ZNF879: variants seen among roughly 807,000 people sequenced by gnomAD.
ZNF879 encodes the protein zinc finger protein 879.
ZNF879 carries 32 observed loss-of-function variants against 44.3 expected under a neutral mutation model. That is an observed-to-expected ratio of 0.72 (90% CI 0.54 to 0.97). The LOEUF is 0.97. ZNF879 is among the 50% of genes least tolerant of loss of function. The probability of loss-of-function intolerance (pLI) is 0.00; values close to 1 mark genes in which losing one functional copy is unlikely to be tolerated. For synonymous variants in ZNF879, 234 were observed against 233.2 expected (o/e 1.00, Z -0.03); for missense variants, 621 against 669.7 (o/e 0.93, Z 0.80).
intron 4 of ZNF879, 79 bp downstream of exon 4, chr5:179,028,206 T>A: frequency 1.6e-6 from 2 of 1,274,938 alleles, no homozygotes; most frequent in Non-Finnish European, 2.2e-6. Flanking sequence ...CGCTCAAGGG[T>A]CTCCTTGATG....
chr5:179,028,144 T>C lies in ZNF879; in HGVS notation c.256+17T>C, dbSNP rs1012787441. On this transcript the variant is annotated intron_variant, in intron 4 of 4. Transcript: ENST00000444149. ...CACATCTCGGTGAGTGACAGAGTAA[T>C]TGGGAGATGGGCATAACATTTTCCC... The C allele has an allele frequency of 1.9e-6, 3 of 1,549,758 alleles. No homozygotes were observed. Among genetic ancestry groups the C allele is most frequent in the East Asian group, 4.9e-5 (2 of 40,880 alleles).
intron 4 of ZNF879, among the ~76,000 whole-genome samples, chr5:179,030,857 CAAT>C (rs1309118695): frequency 2.6e-5 from 4 of 152,182 alleles, no homozygotes; most frequent in Admixed American, 6.5e-5. Context: ...AAATTACTCT[CAAT>C]AATGTTCTTT....
chr5:179,032,951 C>T lies in ZNF879; in HGVS notation c.1003C>T (p.His335Tyr), dbSNP rs1761473426. Residue 335 changes from histidine to tyrosine, a missense_variant, in exon 5 of 5, where the codon CAC becomes TAC. By Grantham distance (83) the His-to-Tyr change is moderately conservative. Transcript: ENST00000444149. ...TCAGTGCTCATCTCTCATTCAGCAC[C>T]ACAGAATTCATACTGGGGAGAAACC... ...FSQCSSLIQH[H>Y]RIHTGEKPYE... The T allele has an allele frequency of 1.3e-6, 2 of 1,559,936 alleles. No homozygotes were observed. The highest frequency in any genetic ancestry group is 1.2e-5 in the South Asian group (1 of 84,724).
Position 179,024,845 on chromosome 5 carries a change from G to A in ZNF879, c.-35-125G>A, listed in dbSNP as rs76747810. 5.5e-5 allele frequency: 39 copies of A among 714,170 alleles called. No individual in the cohort carries two copies. In the East Asian group the frequency reaches 6.0e-4, roughly 11 times the overall value. The allele number at this position is 714,170 out of a possible 1,614,324, so 44.2% of individuals were successfully genotyped here. On this transcript the variant is annotated intron_variant, in intron 1 of 4. Transcript: ENST00000444149. Reference sequence around the variant, plus strand: ...AGTGGCCGGACTTAGGGCCCCTCTGGCCTGGGCAGTTCCAGGCTCCTTCTC... The same window carrying A: ...AGTGGCCGGACTTAGGGCCCCTCTGACCTGGGCAGTTCCAGGCTCCTTCTC...
At chr5:179,026,651 T>TA (rs889096323) in intron 2 of ZNF879, among the ~76,000 whole-genome samples, 3 of 151,806 alleles carry the variant, frequency 2.0e-5, no homozygotes, top group Non-Finnish European at 2.9e-5. Context: ...CCCAATTAAT[T>TA]AAAAAAAAAT....
chr5:179,030,809 C>T (rs1761396672), intron 4 of ZNF879, among the ~76,000 whole-genome samples: 1 of 152,300 alleles, frequency 6.6e-6, no homozygotes. Flanking sequence ...GATTCCATTT[C>T]TTGTACTGTA....
At position 179,032,160 on chromosome 5, in the gene ZNF879, A is replaced by G. The variant is rs941384281; in HGVS notation, c.257-45A>G. The G allele has an allele frequency of 7.3e-6, 10 of 1,373,202 alleles. No homozygotes were observed. In the Admixed American group the frequency reaches 9.1e-5, roughly 13 times the overall value. The allele number at this position is 1,373,202 out of a possible 1,614,324, so 85.1% of individuals were successfully genotyped here. On this transcript the variant is annotated intron_variant, in intron 4 of 4. Transcript: ENST00000444149. ...CTTGTGCGTTTTTATGTCACTTTTT[A>G]AAATTCTGAGTTCAAGAGAGACTTA...
intron 4 of ZNF879, among the ~76,000 whole-genome samples, chr5:179,031,726 A>C (rs560411665): frequency 2.0e-5 from 3 of 152,330 alleles, no homozygotes; most frequent in Admixed American, 1.3e-4. Context: ...CACAGTAGGC[A>C]CTCAGTAGGT....
chr5:179,026,056 G>T (rs1001669637), intron 2 of ZNF879, among the ~76,000 whole-genome samples: 1 of 146,364 alleles, frequency 6.8e-6, no homozygotes, highest in Non-Finnish European at 1.5e-5. Flanking sequence ...TTGCACTCCA[G>T]CCTGGTGACA....
Position 179,032,914 on chromosome 5 carries a change from G to C in ZNF879, c.966G>C (p.Gly322=), listed in dbSNP as rs1195102619. 2.5e-6 allele frequency: 4 copies of C among 1,569,742 alleles called. No individual in the cohort carries two copies. Among genetic ancestry groups the C allele is most frequent in the Non-Finnish European group, 3.5e-6 (4 of 1,157,452 alleles). ...AGCCCTATAAGTGTAATGAATGTGG[G>C]AGGGCCTTCAGTCAGTGCTCATCTC... The part of the protein sequence containing the change: ...GEKPYKCNEC[G]RAFSQCSSLI... Residue 322 remains glycine, a synonymous_variant, in exon 5 of 5, where the codon GGG becomes GGC. Coordinates refer to ENST00000444149, the MANE Select transcript of ZNF879 (RefSeq NM_001136116.3).
At chr5:179,025,314 G>A (rs1166872778) in intron 2 of ZNF879, among the ~76,000 whole-genome samples, 1 of 151,692 alleles carries the variant, frequency 6.6e-6, no homozygotes, top group African/African-American at 2.4e-5. Context: ...CAACCTCCCT[G>A]GTAGCTGGGA....
At chr5:179,028,445 C>T (rs1761330303) in intron 4 of ZNF879, among the ~76,000 whole-genome samples, 1 of 151,762 alleles carries the variant, frequency 6.6e-6, no homozygotes, top group Non-Finnish European at 1.5e-5. Flanking sequence ...AATTATTTTC[C>T]TTAGTGGCTT....
rs990844287 is a variant in ZNF879 at position 179,032,421 on chromosome 5, T to C, written c.473T>C (p.Val158Ala). Residue 158 changes from valine (V) to alanine (A), a missense_variant, in exon 5 of 5, where the codon GTT becomes GCT. By Grantham distance (64) the Val-to-Ala change is moderately conservative. Coordinates refer to ENST00000444149, the MANE Select transcript of ZNF879 (RefSeq NM_001136116.3). ...ATGAAGGAGAGGAGCTTTAAAGGTG[T>C]TGAATTTGGGAAAAATCTTGGTCTA... ...VYMKERSFKG[V>A]EFGKNLGLKS... The C allele has an allele frequency of 4.5e-6, 7 of 1,551,436 alleles. No individual in the cohort carries two copies. In the African/African-American group the frequency reaches 6.8e-5, roughly 15 times the overall value.
chr5:179,025,283 G>A (rs900869764), intron 2 of ZNF879, among the ~76,000 whole-genome samples: 35 of 151,480 alleles, frequency 2.3e-4, no homozygotes, highest in Non-Finnish European at 5.9e-5. Flanking sequence ...GCAGTGGCAC[G>A]GACATGGCTC....
intron 4 of ZNF879, 86 bp from the exon 5 acceptor site, chr5:179,032,119 A>G: frequency 2.0e-6 from 2 of 1,025,326 alleles, no homozygotes; most frequent in Non-Finnish European, 2.8e-6. Context: ...TCAAGGCTTT[A>G]TATTTTTTAA....
At chr5:179,024,722 A>G (rs1000716792) in intron 1 of ZNF879, 5 of 462,048 alleles carry the variant, frequency 1.1e-5, no homozygotes, top group African/African-American at 9.6e-5. Flanking sequence ...GGCACGGCAG[A>G]TGGTCTTCAT....
chr5:179,026,885 G>C (rs1161021481), intron 2 of ZNF879, among the ~76,000 whole-genome samples: 2 of 152,236 alleles, frequency 1.3e-5, no homozygotes, highest in Non-Finnish European at 2.9e-5. Context: ...AGGAGCTTCT[G>C]GGGTGGGGAG....
Position 179,034,262 on chromosome 5 carries a change from C to T in ZNF879, c.*622C>T, listed in dbSNP as rs1256311091. ...GCGTTTTCTTCCTGACTACTTGTTCCAAACTCTGAGTCAGATCTAAAGTCA... is the reference window on the plus strand; with the variant it reads ...GCGTTTTCTTCCTGACTACTTGTTCTAAACTCTGAGTCAGATCTAAAGTCA... On this transcript the variant is annotated 3_prime_UTR_variant, in exon 5 of 5. Transcript: ENST00000444149. 2 of 151,766 alleles carry T rather than the reference C, an allele frequency of 1.3e-5. No individual in the cohort carries two copies. Among genetic ancestry groups the T allele is most frequent in the African/African-American group, 4.9e-5 (2 of 41,026 alleles). 9.4% of individuals were successfully genotyped at this position (151,766 alleles called of 1,614,324 possible). A position where few individuals can be genotyped will look rare whatever the true frequency, so the allele number is the denominator to read the frequency against.
chr5:179,032,273 A>ATTG lies in ZNF879; in HGVS notation c.326_328dup (p.Ile109_Asp110insVal). The ATTG allele has an allele frequency of 6.5e-7, 1 of 1,540,132 alleles. No individual in the cohort carries two copies. Among genetic ancestry groups the ATTG allele is most frequent in the Non-Finnish European group, 8.7e-7 (1 of 1,144,322 alleles). ...TCAGGAAGTCATGAAAAAACTCATA[A>ATTG]TTGATGGCACATTTGACTTCAAGTT... On this transcript the variant is annotated inframe_insertion, in exon 5 of 5. Transcript: ENST00000444149.
Sources: gnomAD v4.1 joint callset for allele counts (sites outside exome capture counted in the v4.1 genomes callset) on GRCh38, gnomAD v4.1.1 for gene constraint, MANE v1.5 for transcripts, NCBI Gene and HGNC (gene_info 2026-07-23, HGNC 2026-07-21) for gene names.